IMMP2L: variants seen among roughly 807,000 people sequenced by gnomAD.
IMMP2L encodes the protein inner mitochondrial membrane peptidase subunit 2, also known as mitochondrial inner membrane protease subunit 2.
In IMMP2L, 18 loss-of-function variants were observed where a neutral mutation model predicts 19.3. The observed-to-expected ratio is 0.93, with a 90% CI of 0.64 to 1.38. The LOEUF (loss-of-function observed/expected upper bound fraction) is 1.38, where lower values mean the gene tolerates loss of function less well. Among genes scored for constraint, IMMP2L ranks in the 40% most tolerant of loss-of-function variants. The probability of loss-of-function intolerance (pLI) is 0.00; values close to 1 mark genes in which losing one functional copy is unlikely to be tolerated. For synonymous variants in IMMP2L, 76 were observed against 73.0 expected (o/e 1.04, Z -0.21); for missense variants, 233 against 218.2 (o/e 1.07, Z -0.43).
Position 111,090,407 on chromosome 7 carries a change from A to G in IMMP2L, c.240-126842T>C, listed in dbSNP as rs74443888. Among the ~76,000 whole-genome samples, 5 of 152,234 alleles carry G rather than the reference A, an allele frequency of 3.3e-5. No individual in the cohort carries two copies. In the East Asian group the frequency reaches 9.7e-4, roughly 29 times the overall value. On this transcript the variant is annotated intron_variant, in intron 3 of 5. Coordinates refer to ENST00000405709, the MANE Select transcript of IMMP2L (RefSeq NM_032549.4). ...CCTAAATACACACACACACTCACAG[A>G]TACACAAACACACCTACACATGTAC... is the stretch of plus-strand genomic sequence containing the variant.
chr7:111,124,368 T>A, intron 3 of IMMP2L: 1 of 1,613,724 alleles, frequency 6.2e-7, no homozygotes, highest in Non-Finnish European at 8.5e-7. Flanking sequence ...TAAGAGATAT[T>A]CAGGCCAATT....
chr7:110,754,467 G>T (rs1215982578), intron 5 of IMMP2L, among the ~76,000 whole-genome samples: 7 of 151,900 alleles, frequency 4.6e-5, no homozygotes, highest in Non-Finnish European at 1.0e-4. Flanking sequence ...TCTACCTAAA[G>T]GCATATCTGT....
intron 4 of IMMP2L, among the ~76,000 whole-genome samples, chr7:110,927,782 A>C (rs971732622): frequency 6.6e-6 from 1 of 152,154 alleles, no homozygotes; most frequent in Non-Finnish European, 1.5e-5. Context: ...GTATTAAGTC[A>C]TTAAAGTTGT....
rs569182930 is a variant in IMMP2L at position 110,675,473 on chromosome 7, G to C, written c.409-11752C>G. ...CTGGGCCTCTTACTGCAAGGTTGTC[G>C]CATCAGAAAACCAATTTTCTTCTCA... On this transcript the variant is annotated intron_variant, in intron 5 of 5. Transcript: ENST00000405709. Among the ~76,000 whole-genome samples, 8 of 152,178 alleles carry C rather than the reference G, an allele frequency of 5.3e-5. No individual in the cohort carries two copies. The East Asian group carries it at 1.5e-3, about 29-fold the overall frequency.
intron 3 of IMMP2L, among the ~76,000 whole-genome samples, chr7:111,032,621 A>G (rs148154233): frequency 0.01 from 1,558 of 152,204 alleles, 16 homozygotes; most frequent in African/African-American, 0.031. Context: ...CAGGACTTTG[A>G]CATCAACCTC....
intron 5 of IMMP2L, among the ~76,000 whole-genome samples, chr7:110,762,495 C>G (rs551506137): frequency 6.6e-6 from 1 of 152,266 alleles, no homozygotes; most frequent in South Asian, 2.1e-4. Context: ...TGAACATCAA[C>G]TCCCGTCTAG....
At chr7:110,668,814 A>G (rs536635450) in intron 5 of IMMP2L, among the ~76,000 whole-genome samples, 1 of 144,108 alleles carries the variant, frequency 6.9e-6, no homozygotes, top group East Asian at 2.0e-4. Context: ...AGAGAGAGAG[A>G]GTGTCTGTTC....
intron 3 of IMMP2L, among the ~76,000 whole-genome samples, chr7:111,384,954 T>C (rs1373789377): frequency 6.6e-6 from 1 of 152,148 alleles, no homozygotes; most frequent in Non-Finnish European, 1.5e-5. Flanking sequence ...ACTTCCATTT[T>C]ATAGTTGAGG....
intron 4 of IMMP2L, among the ~76,000 whole-genome samples, chr7:110,931,974 T>TCTA (rs1815540690): frequency 6.6e-6 from 1 of 152,186 alleles, no homozygotes; most frequent in African/African-American, 2.4e-5. Flanking sequence ...ACTCCTTTCT[T>TCTA]CTAGCCTGGG....
chr7:111,107,113 C>T (rs2129581722), intron 3 of IMMP2L, among the ~76,000 whole-genome samples: 1 of 152,060 alleles, frequency 6.6e-6, no homozygotes, highest in East Asian at 1.9e-4. Flanking sequence ...CTTAGAATCT[C>T]TCTCACTAGA....
chr7:111,395,842 C>T (rs938789928), intron 3 of IMMP2L, among the ~76,000 whole-genome samples: 1 of 152,034 alleles, frequency 6.6e-6, no homozygotes, highest in East Asian at 1.9e-4. Flanking sequence ...TTGCATATAT[C>T]CAGAGTGTCT....
chr7:110,947,423 T>C (rs1046810958), intron 4 of IMMP2L, among the ~76,000 whole-genome samples: 4 of 152,176 alleles, frequency 2.6e-5, no homozygotes, highest in Non-Finnish European at 5.9e-5. Context: ...ATTTTAATGA[T>C]AGCTGTATTA....
chr7:111,171,581 A>T (rs1039977796), intron 3 of IMMP2L, among the ~76,000 whole-genome samples: 1 of 151,620 alleles, frequency 6.6e-6, no homozygotes, highest in Non-Finnish European at 1.5e-5. Flanking sequence ...TGAAAAATGT[A>T]TTACATAAAG....
intron 3 of IMMP2L, among the ~76,000 whole-genome samples, chr7:111,425,125 T>C (rs1459744318): frequency 6.6e-6 from 1 of 151,804 alleles, no homozygotes; most frequent in African/African-American, 2.4e-5. Flanking sequence ...TATTTAGGGA[T>C]TGCTTCCCCT....
chr7:110,982,778 T>C (rs1350413763), intron 3 of IMMP2L, among the ~76,000 whole-genome samples: 4 of 152,124 alleles, frequency 2.6e-5, no homozygotes, highest in Non-Finnish European at 5.9e-5. Flanking sequence ...CTACAACAAA[T>C]GGATAAAGGT....
intron 1 of IMMP2L, among the ~76,000 whole-genome samples, chr7:111,554,616 T>TTTATTA (rs537769881): frequency 1.3e-5 from 2 of 151,380 alleles, no homozygotes; most frequent in Non-Finnish European, 2.9e-5. Flanking sequence ...TTATTTTTAT[T>TTTATTA]TTATTATTAT....
At chr7:111,194,942 C>T (rs1809311036) in intron 3 of IMMP2L, among the ~76,000 whole-genome samples, 1 of 152,006 alleles carries the variant, frequency 6.6e-6, no homozygotes, top group Admixed American at 6.5e-5. Flanking sequence ...AACAATTTTA[C>T]TTATCGTTTT....
In IMMP2L at chr7:110,975,973, A is replaced by AT. The variant is rs554066381; in HGVS notation, c.240-12409dup. Among the ~76,000 whole-genome samples, 116 of 152,044 alleles carry AT rather than the reference A, an allele frequency of 7.6e-4. 1 individual carries two copies. The highest frequency in any genetic ancestry group is 1.4e-3 in the Non-Finnish European group (93 of 67,922). ...AGCTTTGAAATAAATGTGAAAATGG[A>AT]TTTTTTTTAACGTATGGGCACAGTA... On this transcript the variant is annotated intron_variant, in intron 3 of 5. Transcript: ENST00000405709.
chr7:111,430,235 A>T (rs1428871078), intron 3 of IMMP2L, among the ~76,000 whole-genome samples: 1 of 151,862 alleles, frequency 6.6e-6, no homozygotes, highest in Non-Finnish European at 1.5e-5. Context: ...CAAAGTAAAG[A>T]AATACGTTTG....
Sources: gnomAD v4.1 joint callset for allele counts (sites outside exome capture counted in the v4.1 genomes callset) on GRCh38, gnomAD v4.1.1 for gene constraint, MANE v1.5 for transcripts, NCBI Gene and HGNC (gene_info 2026-07-23, HGNC 2026-07-21) for gene names.